The following TXNDC16 variants were observed in gnomAD, a reference collection of about 807,000 sequenced individuals.
The protein encoded by TXNDC16 is thioredoxin domain-containing protein 16.
A neutral mutation model predicts 85.6 loss-of-function variants in TXNDC16; 74 were observed. The ratio of observed to expected loss-of-function variants is 0.86; its 90% CI spans 0.72 to 1.05. The LOEUF (loss-of-function observed/expected upper bound fraction) is 1.05, where lower values mean the gene tolerates loss of function less well. Among genes scored for constraint, TXNDC16 ranks in the 50% least tolerant of loss-of-function variants. TXNDC16 has a pLI of 0.00. For synonymous variants in TXNDC16, 335 were observed against 326.5 expected, an observed-to-expected ratio of 1.03 and a Z score of -0.28; for missense variants, 959 against 947.0, an observed-to-expected ratio of 1.01 and a Z score of -0.17.
rs1433099305 is a variant in TXNDC16, at chr14:52,488,432, CAT to C, written c.1037_1038del (p.His346ArgfsTer4). On this transcript the variant is annotated frameshift_variant, in exon 12 of 21. Transcript: ENST00000281741. LOFTEE classifies it high-confidence loss of function. ...TCCTCAATGTGCATATTATTTTCCA[CAT>C]GAGATATTATTAAATCAACATCATG... is the stretch of plus-strand genomic sequence containing the variant. ...VLHDVDLIIS[H>X]VENNMHIEEI... 6 of 1,612,454 alleles carry C rather than the reference CAT, an allele frequency of 3.7e-6. No homozygotes were observed. Among genetic ancestry groups the C allele is most frequent in the African/African-American group, 2.7e-5 (2 of 74,886 alleles).
chr14:52,480,909 A>C (rs2036128676), intron 14 of TXNDC16, among the ~76,000 whole-genome samples: 1 of 150,260 alleles, frequency 6.7e-6, no homozygotes, highest in Non-Finnish European at 1.5e-5. Context: ...ACCAACCCAA[A>C]TGCTCATCAA....
At chr14:52,492,669 G>A (rs1190263274) in intron 9 of TXNDC16, among the ~76,000 whole-genome samples, 2 of 152,176 alleles carry the variant, frequency 1.3e-5, no homozygotes, top group Non-Finnish European at 2.9e-5. Flanking sequence ...CAGGGAGGTG[G>A]GGTGTCATGT....
At chr14:52,495,786 C>T (rs868440127) in intron 9 of TXNDC16, among the ~76,000 whole-genome samples, 2 of 152,174 alleles carry the variant, frequency 1.3e-5, no homozygotes, top group African/African-American at 2.4e-5. Flanking sequence ...ACATCATCTA[C>T]ATTTAGTTCC....
intron 18 of TXNDC16, among the ~76,000 whole-genome samples, chr14:52,452,927 T>G (rs1324602677): frequency 6.6e-6 from 1 of 152,064 alleles, no homozygotes; most frequent in Non-Finnish European, 1.5e-5. Flanking sequence ...ATCTGCAAAC[T>G]ACCCATCTGA....
At chr14:52,488,685 T>A (rs2036328842) in intron 11 of TXNDC16, among the ~76,000 whole-genome samples, 199 bp from the exon 12 acceptor site, 1 of 151,638 alleles carries the variant, frequency 6.6e-6, no homozygotes. Flanking sequence ...AATACAAAAA[T>A]TAGACTGGCG....
intron 6 of TXNDC16, among the ~76,000 whole-genome samples, chr14:52,520,535 GGGA>G (rs1363665447): frequency 1.1e-4 from 16 of 152,182 alleles, no homozygotes; most frequent in African/African-American, 3.9e-4. Flanking sequence ...GCATGAACCC[GGGA>G]GGAGGAGTTT....
chr14:52,542,793 G>T (rs1222481143), intron 3 of TXNDC16, among the ~76,000 whole-genome samples: 1 of 152,008 alleles, frequency 6.6e-6, no homozygotes, highest in African/African-American at 2.4e-5. Context: ...CTTTCAAAAT[G>T]ATTTTAAAAT....
intron 6 of TXNDC16, among the ~76,000 whole-genome samples, chr14:52,521,929 C>T (rs1413358034): frequency 6.6e-6 from 1 of 152,108 alleles, no homozygotes; most frequent in Non-Finnish European, 1.5e-5. Flanking sequence ...GACACCAAGG[C>T]CAGGATTTTC....
intron 6 of TXNDC16, among the ~76,000 whole-genome samples, chr14:52,522,193 C>A (rs1407069506): frequency 2.0e-5 from 3 of 152,196 alleles, no homozygotes; most frequent in African/African-American, 7.2e-5. Flanking sequence ...GTTTTATTAT[C>A]TCCAACGTGT....
intron 9 of TXNDC16, among the ~76,000 whole-genome samples, chr14:52,491,575 C>T (rs1306158618): frequency 7.5e-6 from 1 of 133,884 alleles, no homozygotes; most frequent in African/African-American, 3.1e-5. Flanking sequence ...AAAGAATAAA[C>T]ATATTATAAA....
chr14:52,521,907 G>T (rs1456753740), intron 6 of TXNDC16, among the ~76,000 whole-genome samples: 1 of 152,130 alleles, frequency 6.6e-6, no homozygotes, highest in Non-Finnish European at 1.5e-5. Flanking sequence ...TCTAGTTGCT[G>T]GCAGAGCTTC....
chr14:52,509,528 C>A (rs1010519386), intron 9 of TXNDC16, among the ~76,000 whole-genome samples: 1 of 151,098 alleles, frequency 6.6e-6, no homozygotes, highest in African/African-American at 2.5e-5. Flanking sequence ...AAAATGCAAC[C>A]ACAGAAAAAA....
In TXNDC16 at chr14:52,543,610, TTC is replaced by T; in HGVS notation, c.-55_-54del. 1 of 1,594,180 alleles carries T rather than the reference TTC, an allele frequency of 6.3e-7. No individual in the cohort carries two copies. Among genetic ancestry groups the T allele is most frequent in the Non-Finnish European group, 8.5e-7 (1 of 1,171,626 alleles). On this transcript the variant is annotated 5_prime_UTR_variant, in exon 3 of 21. Coordinates refer to ENST00000281741, the MANE Select transcript of TXNDC16 (RefSeq NM_020784.3). Reference sequence around the variant, plus strand: ...TTTTGTCTGTTTTTTCACTGCTGTGTTCTGTTTCCTAAGACAACACCTGGCAC... The same window carrying T: ...TTTTGTCTGTTTTTTCACTGCTGTGTTGTTTCCTAAGACAACACCTGGCAC...
At position 52,477,790 on chromosome 14, in the gene TXNDC16, A is replaced by C. The variant is rs189204892; in HGVS notation, c.1312+4440T>G. Among the ~76,000 whole-genome samples the C allele has an allele frequency of 1.2e-4, 19 of 152,310 alleles. No individual in the cohort carries two copies. In the East Asian group the frequency reaches 3.1e-3, roughly 25 times the overall value. ...TCATCAAGACAGAAGGTCAACAAAG[A>C]AACAATGGCTTTAAACTATACCCTG... is the stretch of plus-strand genomic sequence containing the variant. On this transcript the variant is annotated intron_variant, in intron 14 of 20. Coordinates refer to ENST00000281741, the MANE Select transcript of TXNDC16 (RefSeq NM_020784.3).
At chr14:52,467,990 C>T (rs2140129233) in intron 16 of TXNDC16, among the ~76,000 whole-genome samples, 1 of 152,224 alleles carries the variant, frequency 6.6e-6, no homozygotes, top group East Asian at 1.9e-4. Context: ...TGAAATAAGT[C>T]AGTCAGAAAA....
At chr14:52,470,281 C>G in intron 15 of TXNDC16, 108 bp from the exon 16 acceptor site, 1 of 934,918 alleles carries the variant, frequency 1.1e-6, no homozygotes, top group African/African-American at 1.7e-5. Context: ...AGGATAATAT[C>G]TTACAAAATA....
chr14:52,464,165 A>C (rs1221638753), intron 16 of TXNDC16, among the ~76,000 whole-genome samples: 1 of 152,236 alleles, frequency 6.6e-6, no homozygotes, highest in Non-Finnish European at 1.5e-5. Context: ...GTAAAAAATA[A>C]TATGAAAAAT....
At chr14:52,539,422 G>A (rs1335523718) in intron 4 of TXNDC16, among the ~76,000 whole-genome samples, 4 of 152,116 alleles carry the variant, frequency 2.6e-5, no homozygotes, top group South Asian at 2.1e-4. Flanking sequence ...TATTAAGAAC[G>A]AACTGAACAA....
chr14:52,463,384 G>A (rs970357887), intron 16 of TXNDC16, among the ~76,000 whole-genome samples: 5 of 152,076 alleles, frequency 3.3e-5, no homozygotes, highest in Non-Finnish European at 7.4e-5. Context: ...TTCTACTATA[G>A]GTCCTATTTC....
Sources: allele counts gnomAD v4.1 joint callset (sites outside exome capture counted in the v4.1 genomes callset), GRCh38; gene constraint gnomAD v4.1.1; transcripts MANE v1.5; gene names NCBI Gene and HGNC (gene_info 2026-07-23, HGNC 2026-07-21).